CIB4: variants seen among roughly 807,000 people sequenced by gnomAD.
The protein encoded by CIB4 is calcium and integrin-binding family member 4.
In CIB4, 25 loss-of-function variants were observed where a neutral mutation model predicts 25.8. The observed-to-expected ratio is 0.97, with a 90% CI of 0.71 to 1.35. The LOEUF (loss-of-function observed/expected upper bound fraction) is 1.35. Among genes scored for constraint, CIB4 ranks in the 40% most tolerant of loss-of-function variants. The pLI is 0.00. For missense variants in CIB4, 235 were observed against 228.2 expected (o/e 1.03, Z -0.19); for synonymous variants, 75 against 81.4 (o/e 0.92, Z 0.42).
intron 3 of CIB4, among the ~76,000 whole-genome samples, chr2:26,611,925 A>G (rs530212411): frequency 6.6e-6 from 1 of 152,348 alleles, no homozygotes; most frequent in East Asian, 1.9e-4. Context: ...CCTAGGGGAA[A>G]AGACGGCAAA....
intron 3 of CIB4, among the ~76,000 whole-genome samples, chr2:26,624,759 G>C (rs894652687): frequency 2.8e-5 from 4 of 145,374 alleles, no homozygotes; most frequent in African/African-American, 1.0e-4. Flanking sequence ...GGGCAGGCAG[G>C]GATGGTTAAT....
intron 2 of CIB4, among the ~76,000 whole-genome samples, chr2:26,639,961 G>T (rs1669604406): frequency 6.6e-6 from 1 of 152,098 alleles, no homozygotes; most frequent in Non-Finnish European, 1.5e-5. Context: ...CCACGAGAAG[G>T]GTATTTGGCC....
At chr2:26,610,946 T>C (rs994978860) in intron 3 of CIB4, among the ~76,000 whole-genome samples, 4 of 97,876 alleles carry the variant, frequency 4.1e-5, no homozygotes, top group Non-Finnish European at 8.2e-5. Context: ...TGCATTGCAA[T>C]GGAAAAAATA....
intron 4 of CIB4, among the ~76,000 whole-genome samples, chr2:26,591,733 C>T (rs746167257): frequency 6.6e-6 from 1 of 152,216 alleles, no homozygotes; most frequent in Non-Finnish European, 1.5e-5. Context: ...ATGACTCCAT[C>T]TTGCCAGTGG....
chr2:26,602,417 C>CTAATCCATAAAT (rs1333951307), intron 3 of CIB4, among the ~76,000 whole-genome samples: 1 of 151,918 alleles, frequency 6.6e-6, no homozygotes, highest in East Asian at 1.9e-4. Context: ...CAATTCTTAC[C>CTAATCCATAAAT]ACAAGTATAC....
chr2:26,635,454 T>C (rs959996917), intron 2 of CIB4, among the ~76,000 whole-genome samples: 7 of 152,250 alleles, frequency 4.6e-5, no homozygotes, highest in African/African-American at 1.7e-4. Context: ...TTGAATACTT[T>C]TTTAACTGGC....
intron 2 of CIB4, among the ~76,000 whole-genome samples, chr2:26,632,294 T>G (rs1376112542): frequency 6.6e-6 from 1 of 152,210 alleles, no homozygotes; most frequent in Non-Finnish European, 1.5e-5. Flanking sequence ...GGGCCTGAGC[T>G]GTCACTAGGG....
intron 2 of CIB4, among the ~76,000 whole-genome samples, chr2:26,638,485 C>T (rs937236545): frequency 2.0e-5 from 3 of 152,160 alleles, no homozygotes; most frequent in African/African-American, 4.8e-5. Flanking sequence ...TCACTCCTCT[C>T]GTCCACCACC....
rs372638135 is a variant in CIB4, at chr2:26,582,918, C to A, written c.439-5G>T. On this transcript the variant is annotated splice_polypyrimidine_tract_variant and splice_region_variant and intron_variant, in intron 5 of 6. Coordinates refer to ENST00000288861, the MANE Select transcript of CIB4 (RefSeq NM_001029881.3). ...CAGATCCGACTCACTCAGGACCTGG[C>A]GAGGGAGCACAGAAGACAGTTGAGT... 2 of 1,606,342 alleles carry A rather than the reference C, an allele frequency of 1.2e-6. No individual in the cohort carries two copies. Among genetic ancestry groups the A allele is most frequent in the Non-Finnish European group, 1.7e-6 (2 of 1,173,314 alleles).
At position 26,588,978 on chromosome 2, in the gene CIB4, TTTCTTCTTC is replaced by T. The variant is rs879474454; in HGVS notation, c.329-5089_329-5081del. On this transcript the variant is annotated intron_variant, in intron 4 of 6. Coordinates refer to ENST00000288861, the MANE Select transcript of CIB4 (RefSeq NM_001029881.3). Reference sequence around the variant, plus strand: ...CTGCTGCCGCTGCTGCCGCTTCTTCTTTCTTCTTCTTCTTCTTCTTCTTCTTCTTCTTCT... The same window carrying T: ...CTGCTGCCGCTGCTGCCGCTTCTTCTTTCTTCTTCTTCTTCTTCTTCTTCT... 1.4e-3 allele frequency among the ~76,000 whole-genome samples: 99 copies of T among 69,918 alleles called. 1 individual carries two copies. Among genetic ancestry groups the T allele is most frequent in the African/African-American group, 4.6e-3 (85 of 18,364 alleles). 45.9% of individuals were successfully genotyped at this position (69,918 alleles called of 152,430 possible).
intron 3 of CIB4, among the ~76,000 whole-genome samples, chr2:26,617,135 T>TGG (rs1669108855): frequency 6.7e-6 from 1 of 148,260 alleles, no homozygotes; most frequent in African/African-American, 2.5e-5. Flanking sequence ...TGTGTGTGTG[T>TGG]GTGTGTGTGT....
intron 2 of CIB4, among the ~76,000 whole-genome samples, chr2:26,632,927 T>G (rs1572573665): frequency 1.3e-5 from 2 of 151,346 alleles, no homozygotes; most frequent in East Asian, 1.9e-4. Context: ...AATGTTTTGG[T>G]TTTTTTTTAA....
intron 4 of CIB4, among the ~76,000 whole-genome samples, chr2:26,589,001 T>C (rs1056823549): frequency 2.5e-4 from 3 of 11,994 alleles, no homozygotes; most frequent in African/African-American, 8.9e-4. Context: ...TTCTTCTTCT[T>C]CTTCTTCTTC....
intron 4 of CIB4, among the ~76,000 whole-genome samples, chr2:26,591,712 C>G (rs182513029): frequency 6.6e-6 from 1 of 152,224 alleles, no homozygotes; most frequent in African/African-American, 2.4e-5. Flanking sequence ...TCCACCATCA[C>G]GCTGTCTTTT....
intron 4 of CIB4, among the ~76,000 whole-genome samples, chr2:26,590,505 C>T (rs1313198644): frequency 6.6e-6 from 1 of 152,034 alleles, no homozygotes; most frequent in Non-Finnish European, 1.5e-5. Context: ...GCACTGAGTT[C>T]CGTCTTTGGA....
intron 3 of CIB4, among the ~76,000 whole-genome samples, chr2:26,614,559 G>A (rs773158476): frequency 2.0e-5 from 3 of 152,188 alleles, no homozygotes; most frequent in Non-Finnish European, 4.4e-5. Flanking sequence ...TGGCAGAGTC[G>A]GTGCACCACA....
At chr2:26,581,812 C>A (rs1668350829) in intron 6 of CIB4, among the ~76,000 whole-genome samples, 1 of 152,196 alleles carries the variant, frequency 6.6e-6, no homozygotes, top group Non-Finnish European at 1.5e-5. Flanking sequence ...AATGAGGAGC[C>A]CCCTCCTCAT....
intron 3 of CIB4, among the ~76,000 whole-genome samples, chr2:26,595,897 G>GCACA (rs61283412): frequency 0.11 from 3,408 of 32,048 alleles, 125 homozygotes; most frequent in African/African-American, 0.17. Flanking sequence ...TTATCTGCGC[G>GCACA]CACACACACA....
intron 3 of CIB4, among the ~76,000 whole-genome samples, chr2:26,610,441 G>T (rs1275969): frequency 0.57 from 86,320 of 152,072 alleles, 24,649 homozygotes; most frequent in African/African-American, 0.62. Context: ...CAACTCAAAG[G>T]CCTTTTAATG....
Sources: gnomAD v4.1 joint callset for allele counts (sites outside exome capture counted in the v4.1 genomes callset) on GRCh38, gnomAD v4.1.1 for gene constraint, MANE v1.5 for transcripts, NCBI Gene and HGNC (gene_info 2026-07-23, HGNC 2026-07-21) for gene names.